SSPN: variants seen among roughly 807,000 people sequenced by gnomAD.
The protein encoded by SSPN is K-ras oncogene-associated protein.
In SSPN, 15 loss-of-function variants were observed where a neutral mutation model predicts 19.1. The ratio of observed to expected loss-of-function variants is 0.78; its 90% CI spans 0.52 to 1.21. The LOEUF (loss-of-function observed/expected upper bound fraction) is 1.21, where lower values mean the gene tolerates loss of function less well. Ranked by LOEUF, SSPN falls within the 50% of genes most tolerant of loss-of-function variation. The pLI is 0.00. For missense variants in SSPN, 291 were observed against 314.0 expected (o/e 0.93, Z 0.55); for synonymous variants, 147 against 140.3 (o/e 1.05, Z -0.34).
intron 1 of SSPN, among the ~76,000 whole-genome samples, chr12:26,144,831 C>T (rs1221351327): frequency 1.3e-5 from 2 of 152,158 alleles, no homozygotes; most frequent in Non-Finnish European, 2.9e-5. Context: ...CTTTCTGTTT[C>T]TAGGGTCTCT....
At chr12:26,175,438 A>G (rs1262238452) in intron 1 of SSPN, among the ~76,000 whole-genome samples, 1 of 152,134 alleles carries the variant, frequency 6.6e-6, no homozygotes, top group African/African-American at 2.4e-5. Context: ...TCTGGATACA[A>G]GTTCTTTATC....
At chr12:26,174,481 T>TTCCA (rs1944671338) in intron 1 of SSPN, among the ~76,000 whole-genome samples, 2 of 118,444 alleles carry the variant, frequency 1.7e-5, no homozygotes, top group Non-Finnish European at 3.3e-5. Context: ...CCACGCTTCC[T>TTCCA]TCCTTCCTTC....
chr12:26,224,451 T>G (rs1329308711), intron 2 of SSPN, 72 bp downstream of exon 2: 9 of 1,294,196 alleles, frequency 7.0e-6, no homozygotes, highest in Non-Finnish European at 1.0e-5. Context: ...AAGGAGTGCC[T>G]TCTTAAGGGG....
intron 1 of SSPN, among the ~76,000 whole-genome samples, chr12:26,212,614 C>G (rs1945001483): frequency 6.6e-6 from 1 of 151,614 alleles, no homozygotes. Flanking sequence ...GATTTCTACA[C>G]TAGAGCTTTT....
intron 1 of SSPN, among the ~76,000 whole-genome samples, chr12:26,182,267 G>GGGAGTGGATAACAGAAGATGAGGGAT (rs1416187868): frequency 2.0e-5 from 3 of 152,142 alleles, no homozygotes; most frequent in Admixed American, 2.0e-4. Flanking sequence ...ATTCACTATG[G>GGGAGTGGATAACAGAAGATGAGGGAT]GGAGTGGATA....
chr12:26,137,636 G>GTATGTATATATA lies in SSPN; in HGVS notation c.-31+15487_-31+15488insGTATATATATAT, dbSNP rs1555175654. Among the ~76,000 whole-genome samples the GTATGTATATATA allele has an allele frequency of 8.8e-3, 277 of 31,364 alleles. 5 individuals are homozygous for GTATGTATATATA. The highest frequency in any genetic ancestry group is 0.042 in the Middle Eastern group (2 of 48). 20.6% of individuals were successfully genotyped at this position (31,364 alleles called of 152,430 possible). A position where few individuals can be genotyped will look rare whatever the true frequency, so the allele number is the denominator to read the frequency against. The stretch of plus-strand genomic sequence containing the variant: ...CATATATATGTGTGTGTGTGTGTAT[G>GTATGTATATATA]TATATATATATATATATATATTTTT... On this transcript the variant is annotated intron_variant, in intron 1 of 2. Transcript: ENST00000538142.
intron 1 of SSPN, among the ~76,000 whole-genome samples, chr12:26,149,232 G>A (rs1944510731): frequency 6.6e-6 from 1 of 152,100 alleles, no homozygotes; most frequent in African/African-American, 2.4e-5. Context: ...AAGTCTACTT[G>A]TCTATAACTC....
At position 26,178,547 on chromosome 12, in the gene SSPN, C is replaced by T. The variant is rs372946393; in HGVS notation, c.-30-45746C>T. 1.0e-3 allele frequency among the ~76,000 whole-genome samples: 158 copies of T among 152,020 alleles called. 1 individual carries two copies. The highest frequency in any genetic ancestry group is 3.4e-3 in the African/African-American group (143 of 41,460). ...AGTAGAGAGGGGTGGGGAACAAAAG[C>T]AAATATGTGAACACAGTAAGAATGA... On this transcript the variant is annotated intron_variant, in intron 1 of 2. Transcript: ENST00000538142.
At chr12:26,164,302 G>T (rs1944607841) in intron 1 of SSPN, among the ~76,000 whole-genome samples, 1 of 152,214 alleles carries the variant, frequency 6.6e-6, no homozygotes, top group African/African-American at 2.4e-5. Flanking sequence ...TATTTACAGT[G>T]TTGGGTGCTA....
At chr12:26,186,260 C>T (rs1048367115) in intron 1 of SSPN, among the ~76,000 whole-genome samples, 1 of 152,060 alleles carries the variant, frequency 6.6e-6, no homozygotes. Flanking sequence ...ACCTGCATCC[C>T]TGGCTAAAAA....
intron 1 of SSPN, among the ~76,000 whole-genome samples, chr12:26,143,740 A>ACAAAATGTACATTTT (rs1491099120): frequency 1.3e-5 from 2 of 152,250 alleles, no homozygotes; most frequent in Admixed American, 6.5e-5. Context: ...ACCTTAAAAC[A>ACAAAATGTACATTTT]GGGGTCCCTA....
chr12:26,216,316 A>G (rs558046370), intron 1 of SSPN, among the ~76,000 whole-genome samples: 1 of 152,322 alleles, frequency 6.6e-6, no homozygotes, highest in South Asian at 2.1e-4. Flanking sequence ...TAGAAATGCG[A>G]ATTGTCAGTG....
chr12:26,155,439 A>G (rs910824251), intron 1 of SSPN, among the ~76,000 whole-genome samples: 3 of 152,352 alleles, frequency 2.0e-5, no homozygotes, highest in Middle Eastern at 3.4e-3. Context: ...CTTCAACAAC[A>G]TAAAAGTGAC....
chr12:26,126,923 C>T (rs559634450), intron 1 of SSPN, among the ~76,000 whole-genome samples: 1 of 152,202 alleles, frequency 6.6e-6, no homozygotes, highest in Admixed American at 6.5e-5. Flanking sequence ...AATCTCGGTC[C>T]GACCTCTCTC....
chr12:26,182,106 C>G (rs1266828608), intron 1 of SSPN, among the ~76,000 whole-genome samples: 1 of 152,192 alleles, frequency 6.6e-6, no homozygotes, highest in Non-Finnish European at 1.5e-5. Flanking sequence ...GAGTTTAGAA[C>G]TGGGAATGGG....
At chr12:26,148,210 G>A (rs1944504509) in intron 1 of SSPN, among the ~76,000 whole-genome samples, 1 of 152,192 alleles carries the variant, frequency 6.6e-6, no homozygotes, top group Non-Finnish European at 1.5e-5. Flanking sequence ...CTGAGTGCCA[G>A]GTCATCTCCA....
chr12:26,123,558 G>C lies in SSPN; in HGVS notation c.-31+1406G>C. 2.9e-6 allele frequency: 3 copies of C among 1,025,904 alleles called. No homozygotes were observed. The South Asian group carries it at 3.8e-5, about 13-fold the overall frequency. The allele number at this position is 1,025,904 out of a possible 1,614,324, so 63.6% of individuals were successfully genotyped here. On this transcript the variant is annotated intron_variant, in intron 1 of 2. Coordinates refer to the SSPN transcript ENST00000538142. ...GGAAAGAGATGGGGTGCGGGTGAGG[G>C]AGTCCTGACACTGCTCCCCTGTGGG...
At chr12:26,141,091 C>T (rs1359384984) in intron 1 of SSPN, among the ~76,000 whole-genome samples, 1 of 152,150 alleles carries the variant, frequency 6.6e-6, no homozygotes, top group African/African-American at 2.4e-5. Flanking sequence ...CCTTACATAG[C>T]ACAAGAAACT....
Position 26,231,152 on chromosome 12 carries a change from C to A in SSPN, c.*76C>A. 3 of 1,435,368 alleles carry A rather than the reference C, an allele frequency of 2.1e-6. No homozygotes were observed. The highest frequency in any genetic ancestry group is 1.7e-5 in the South Asian group (1 of 59,568). The allele number at this position is 1,435,368 out of a possible 1,614,324, so 88.9% of individuals were successfully genotyped here. The stretch of plus-strand genomic sequence containing the variant: ...TAAACAAACAAAAAAAAATTTTAAA[C>A]AAAGAAAGGAAAAAAATTGACAATA... On this transcript the variant is annotated 3_prime_UTR_variant, in exon 3 of 3. Transcript: ENST00000242729.
Sources: allele counts gnomAD v4.1 joint callset (sites outside exome capture counted in the v4.1 genomes callset), GRCh38; gene constraint gnomAD v4.1.1; transcripts MANE v1.5; gene names NCBI Gene and HGNC (gene_info 2026-07-23, HGNC 2026-07-21).